The following GFPT2 variants were observed in gnomAD, a reference collection of about 807,000 sequenced individuals.
GFPT2 encodes the protein glutamine--fructose-6-phosphate transaminase 2, also known as glutamine--fructose-6-phosphate aminotransferase [isomerizing] 2.
A neutral mutation model predicts 85.6 loss-of-function variants in GFPT2; 62 were observed. That is an observed-to-expected ratio of 0.72 (90% CI 0.59 to 0.90). GFPT2 has a LOEUF of 0.90. GFPT2 is among the 40% of genes least tolerant of loss of function. The probability of loss-of-function intolerance (pLI) is 0.00; values close to 1 mark genes in which losing one functional copy is unlikely to be tolerated. For missense variants in GFPT2, 788 were observed against 893.4 expected, an observed-to-expected ratio of 0.88 and a Z score of 1.50; for synonymous variants, 368 against 344.5, an observed-to-expected ratio of 1.07 and a Z score of -0.75.
chr5:180,312,243 G>C (rs992188648), intron 15 of GFPT2, among the ~76,000 whole-genome samples, 187 bp downstream of exon 15: 1 of 150,268 alleles, frequency 6.7e-6, no homozygotes, highest in East Asian at 2.0e-4. Flanking sequence ...GGCAGCGCAG[G>C]GGGAGGTGGG....
At position 180,316,785 on chromosome 5, in the gene GFPT2, G is replaced by A; in HGVS notation, c.1131C>T (p.Thr377=). ...CRRLIVIGCG[T]SYHAAVATRQ... The stretch of plus-strand genomic sequence containing the variant: ...TTACAGCCACGGCAGCGTGGTAGCT[G>A]GTTCCACAGCCAATCACGATGAGCC... Residue 377 remains threonine, a synonymous_variant, in exon 12 of 19, where the codon ACC becomes ACT. Transcript: ENST00000253778. 1 of 1,613,320 alleles carries A rather than the reference G, an allele frequency of 6.2e-7. No homozygotes were observed. Among genetic ancestry groups the A allele is most frequent in the South Asian group, 1.1e-5 (1 of 91,046 alleles).
intron 13 of GFPT2, among the ~76,000 whole-genome samples, chr5:180,314,231 G>A (rs1763959236): frequency 6.6e-6 from 1 of 152,136 alleles, no homozygotes; most frequent in Admixed American, 6.5e-5. Context: ...TTGAGGATGA[G>A]GGCTCAGAGA....
At chr5:180,316,106 G>A (rs941615881) in intron 13 of GFPT2, among the ~76,000 whole-genome samples, 9 of 152,190 alleles carry the variant, frequency 5.9e-5, no homozygotes, top group Non-Finnish European at 8.8e-5. Context: ...ACTAACGTGC[G>A]TGGATTTCCA....
At chr5:180,315,436 C>T (rs1763988641) in intron 13 of GFPT2, among the ~76,000 whole-genome samples, 1 of 152,096 alleles carries the variant, frequency 6.6e-6, no homozygotes, top group South Asian at 2.1e-4. Context: ...CCTCAGCCTC[C>T]CAAAGTGCTG....
rs1764290300 is a variant in GFPT2, at chr5:180,330,970, A to C, written c.400-136T>G. The C allele has an allele frequency of 1.3e-6, 1 of 757,564 alleles. No individual in the cohort carries two copies. The highest frequency in any genetic ancestry group is 2.7e-5 in the East Asian group (1 of 36,574). The allele number at this position is 757,564 out of a possible 1,614,324, so 46.9% of individuals were successfully genotyped here. The stretch of plus-strand genomic sequence containing the variant: ...CAGGGAAAACCGGGAAGGGGGGAAA[A>C]ATGTTTGCCAGCATCACAGCCAAAT... On this transcript the variant is annotated intron_variant, in intron 5 of 18. Transcript: ENST00000253778. The surrounding 1 kb of genome is among the most constrained non-coding windows in gnomAD (Gnocchi z 4.4).
rs543722787 is a variant in GFPT2 at position 180,307,240 on chromosome 5, G to A, written c.1610C>T (p.Thr537Met). The A allele has an allele frequency of 8.5e-5, 137 of 1,612,916 alleles. No individual in the cohort carries two copies. The highest frequency in any genetic ancestry group is 3.3e-4 in the Middle Eastern group (2 of 6,060). Residue 537 changes from threonine to methionine, a missense_variant, in exon 16 of 19, where the codon ACG becomes ATG. By Grantham distance (81) the Thr-to-Met change is moderately conservative. Transcript: ENST00000253778. Reference sequence around the variant, plus strand: ...CCCCATCACCAGCAGCGATCTCTGCGTGTAGAGCTCCAGGGCCAAGTCGTG... The same window carrying A: ...CCCCATCACCAGCAGCGATCTCTGCATGTAGAGCTCCAGGGCCAAGTCGTG... The part of the protein sequence containing the change: ...KIHDLALELY[T>M]QRSLLVMGRG...
intron 7 of GFPT2, among the ~76,000 whole-genome samples, chr5:180,327,088 T>C (rs1343566613): frequency 6.6e-6 from 1 of 152,198 alleles, no homozygotes; most frequent in Non-Finnish European, 1.5e-5. Context: ...TGTTTCCTGC[T>C]GAGATACTAC....
chr5:180,304,717 G>C, intron 17 of GFPT2, 55 bp downstream of exon 17: 1 of 1,459,964 alleles, frequency 6.8e-7, no homozygotes, highest in Non-Finnish European at 9.5e-7. Context: ...GGTGAGGTGG[G>C]CATGCATGGG....
Position 180,353,319 on chromosome 5 carries a change from G to T in GFPT2, c.-102C>A. The T allele has an allele frequency of 3.4e-6, 3 of 885,052 alleles. No homozygotes were observed. The highest frequency in any genetic ancestry group is 3.4e-5 in the East Asian group (1 of 29,614). The allele number at this position is 885,052 out of a possible 1,614,324, so 54.8% of individuals were successfully genotyped here. A position where few individuals can be genotyped will look rare whatever the true frequency, so the allele number is the denominator to read the frequency against. On this transcript the variant is annotated 5_prime_UTR_variant, in exon 1 of 19. Transcript: ENST00000253778. ...TCCGTGGGCTCCGTGGGCTCCGTGG[G>T]CTCCGCGGGCTCCAGCTCCCGTCCG... is the stretch of plus-strand genomic sequence containing the variant.
intron 1 of GFPT2, among the ~76,000 whole-genome samples, chr5:180,347,533 AGAG>A (rs1289261578): frequency 6.6e-6 from 1 of 152,196 alleles, no homozygotes; most frequent in Non-Finnish European, 1.5e-5. Flanking sequence ...GAGCCCTCCG[AGAG>A]GAGACTGTAG....
chr5:180,332,164 C>T (rs1484628050), intron 4 of GFPT2, among the ~76,000 whole-genome samples: 1 of 152,190 alleles, frequency 6.6e-6, no homozygotes, highest in East Asian at 1.9e-4. Context: ...CTCCCCAGTT[C>T]CTGCCGCACA....
In GFPT2 at chr5:180,318,829, G is replaced by A; in HGVS notation, c.922C>T (p.Gln308Ter). 1.2e-6 allele frequency: 2 copies of A among 1,614,066 alleles called. No homozygotes were observed. The highest frequency in any genetic ancestry group is 1.7e-6 in the Non-Finnish European group (2 of 1,180,000). ...SASDDPSRAI[Q>*]TLQMELQQIM... Reference sequence around the variant, plus strand: ...TGCTGCAGTTCCATCTGCAAGGTCTGGATGGCTCGAGATGGGTCATCACTG... The same window carrying A: ...TGCTGCAGTTCCATCTGCAAGGTCTAGATGGCTCGAGATGGGTCATCACTG... The change falls in exon 10 of 19, where the codon CAG (glutamine) becomes TAG (stop). Residue 308 changes from glutamine to a stop codon, truncating the protein, a stop_gained. Transcript: ENST00000253778. LOFTEE classifies it high-confidence loss of function. This position sits in a 1 kb window ranked among gnomAD's most constrained non-coding sequence, Gnocchi z 4.2.
intron 1 of GFPT2, among the ~76,000 whole-genome samples, chr5:180,348,712 C>G (rs1337214368): frequency 2.6e-5 from 4 of 151,770 alleles, no homozygotes; most frequent in Non-Finnish European, 5.9e-5. Context: ...CTGTGGTAAC[C>G]TGGACAGGAC....
rs912270437 is a variant in GFPT2 at position 180,328,702 on chromosome 5, GC to G, written c.535-365del. 2.8e-4 allele frequency among the ~76,000 whole-genome samples: 42 copies of G among 152,330 alleles called. No homozygotes were observed. Among genetic ancestry groups the G allele is most frequent in the African/African-American group, 9.6e-4 (40 of 41,580 alleles). ...CTCAGGGACAGCACCTACTCAGCAA[GC>G]CCCTGTGAAGTGCACTTTAGCTCAA... On this transcript the variant is annotated intron_variant, in intron 6 of 18. Coordinates refer to ENST00000253778, the MANE Select transcript of GFPT2 (RefSeq NM_005110.4). This position sits in a 1 kb window ranked among gnomAD's most constrained non-coding sequence, Gnocchi z 5.4.
chr5:180,315,058 A>G (rs1199377362), intron 13 of GFPT2, among the ~76,000 whole-genome samples: 1 of 152,250 alleles, frequency 6.6e-6, no homozygotes, highest in Non-Finnish European at 1.5e-5. Flanking sequence ...ACTTGTCAAC[A>G]AAATGGAAAT....
At chr5:180,315,664 T>G (rs1372808023) in intron 13 of GFPT2, among the ~76,000 whole-genome samples, 1 of 152,218 alleles carries the variant, frequency 6.6e-6, no homozygotes, top group African/African-American at 2.4e-5. Context: ...ATTCTACTTT[T>G]ATAAAGGCTT....
chr5:180,310,466 A>G (rs1444712391), intron 15 of GFPT2, among the ~76,000 whole-genome samples: 2 of 149,862 alleles, frequency 1.3e-5, no homozygotes, highest in Non-Finnish European at 3.0e-5. Context: ...GCTGGAGTGC[A>G]GTGGCAGAAT....
intron 1 of GFPT2, among the ~76,000 whole-genome samples, chr5:180,351,236 G>A (rs1764705363): frequency 6.6e-6 from 1 of 152,216 alleles, no homozygotes; most frequent in Non-Finnish European, 1.5e-5. Flanking sequence ...CTAGCCAGCT[G>A]CTGCTGCCTG....
At chr5:180,340,511 GTT>G (rs779151812) in intron 1 of GFPT2, among the ~76,000 whole-genome samples, 16,620 of 113,084 alleles carry the variant, frequency 0.15, 1,227 homozygotes, top group Non-Finnish European at 0.19. Flanking sequence ...TGGCCTGCAG[GTT>G]TTTTTTTTTT....
Sources: gnomAD v4.1 joint callset for allele counts (sites outside exome capture counted in the v4.1 genomes callset) on GRCh38, gnomAD v4.1.1 for gene constraint, Gnocchi (gnomAD v3.1) non-coding constraint, MANE v1.5 for transcripts, NCBI Gene and HGNC (gene_info 2026-07-23, HGNC 2026-07-21) for gene names.